TCF12: variants seen among roughly 807,000 people sequenced by gnomAD.
TCF12 encodes the protein DNA-binding protein HTF4.
A neutral mutation model predicts 86.0 loss-of-function variants in TCF12; 45 were observed. The observed-to-expected ratio is 0.52, with a 90% confidence interval of 0.41 to 0.67. The LOEUF is 0.67. TCF12 is among the 30% of genes least tolerant of loss of function. The probability of loss-of-function intolerance (pLI) is 0.00; values close to 1 mark genes in which losing one functional copy is unlikely to be tolerated. For synonymous variants in TCF12, 330 were observed against 299.6 expected, an observed-to-expected ratio of 1.10 and a Z score of -1.05; for missense variants, 881 against 859.9, an observed-to-expected ratio of 1.02 and a Z score of -0.31.
intron 3 of TCF12, among the ~76,000 whole-genome samples, chr15:56,960,570 C>CTG (rs1242038437): frequency 2.0e-5 from 3 of 151,750 alleles, no homozygotes; most frequent in Non-Finnish European, 4.4e-5. Context: ...GCTAGGAGTA[C>CTG]AGGCATCTGC....
intron 3 of TCF12, among the ~76,000 whole-genome samples, chr15:56,941,219 A>T (rs2140354217): frequency 6.6e-6 from 1 of 151,658 alleles, no homozygotes; most frequent in African/African-American, 2.4e-5. Flanking sequence ...TACAAAAATT[A>T]GCCAGGTGTG....
At chr15:56,936,855 C>T (rs1012943529) in intron 3 of TCF12, among the ~76,000 whole-genome samples, 20 of 152,076 alleles carry the variant, frequency 1.3e-4, no homozygotes, top group African/African-American at 4.3e-4. Flanking sequence ...ATACTAGTAC[C>T]ATGCTGTTAT....
chr15:57,246,623 C>G (rs1412569289), intron 13 of TCF12, among the ~76,000 whole-genome samples: 2 of 151,864 alleles, frequency 1.3e-5, no homozygotes, highest in Admixed American at 6.6e-5. Context: ...CCCAGTACCA[C>G]TACCACAGTT....
chr15:57,075,804 T>TTCTTTCTTTCTTTCTCTCTCTC (rs1461514777), intron 4 of TCF12, among the ~76,000 whole-genome samples: 27 of 28,592 alleles, frequency 9.4e-4, no homozygotes, highest in Non-Finnish European at 1.2e-3. Context: ...CTTTCTTTCT[T>TTCTTTCTTTCTTTCTCTCTCTC]TCTCTCTCTC....
chr15:57,194,998 G>A (rs2151727398), intron 7 of TCF12, among the ~76,000 whole-genome samples: 1 of 152,236 alleles, frequency 6.6e-6, no homozygotes, highest in East Asian at 1.9e-4. Context: ...TGCCTCCCGG[G>A]CTCAAGCGAG....
intron 8 of TCF12, among the ~76,000 whole-genome samples, chr15:57,198,435 T>A (rs1448131768): frequency 6.6e-6 from 1 of 152,164 alleles, no homozygotes; most frequent in Non-Finnish European, 1.5e-5. Flanking sequence ...CAAAAATGTA[T>A]CCTTTGAGAA....
intron 4 of TCF12, among the ~76,000 whole-genome samples, chr15:57,090,674 A>G (rs1332535497): frequency 6.6e-6 from 1 of 152,030 alleles, no homozygotes; most frequent in South Asian, 2.1e-4. Context: ...GGAATGATAA[A>G]TGTTCAGTGA....
intron 3 of TCF12, among the ~76,000 whole-genome samples, chr15:56,924,486 A>G (rs1227944167): frequency 3.9e-5 from 6 of 152,226 alleles, no homozygotes; most frequent in African/African-American, 1.4e-4. Flanking sequence ...TTTTTACTGA[A>G]CTGTGATAGA....
At chr15:57,205,542 ATC>A (rs1191876464) in intron 8 of TCF12, among the ~76,000 whole-genome samples, 3 of 152,208 alleles carry the variant, frequency 2.0e-5, no homozygotes. Flanking sequence ...TAGATGAGGT[ATC>A]TCTATTTGAA....
intron 14 of TCF12, 62 bp from the exon 15 acceptor site, chr15:57,252,359 C>T (rs1713709649): frequency 7.8e-7 from 1 of 1,286,350 alleles, no homozygotes. Context: ...GCTATTTCCT[C>T]ATCTCTTTTG....
chr15:57,196,914 C>T (rs956874708), intron 7 of TCF12, among the ~76,000 whole-genome samples: 1 of 152,052 alleles, frequency 6.6e-6, no homozygotes, highest in African/African-American at 2.4e-5. Context: ...CATATATTGA[C>T]ATTATAACCT....
chr15:57,054,602 T>G (rs2067860051), intron 3 of TCF12, among the ~76,000 whole-genome samples: 1 of 152,144 alleles, frequency 6.6e-6, no homozygotes, highest in Admixed American at 6.5e-5. Context: ...CTTCCCTGTC[T>G]TCTTTCCCAG....
chr15:56,939,283 A>G (rs188855555), intron 3 of TCF12, among the ~76,000 whole-genome samples: 2 of 152,314 alleles, frequency 1.3e-5, no homozygotes, highest in East Asian at 1.9e-4. Flanking sequence ...GGTGGAGGAC[A>G]GTACTAATTC....
chr15:57,101,373 T>C (rs1276406892), intron 5 of TCF12, among the ~76,000 whole-genome samples: 8 of 152,118 alleles, frequency 5.3e-5, no homozygotes, highest in African/African-American at 1.9e-4. Context: ...CCCAACTAAT[T>C]TTTAAAAAAT....
At chr15:57,163,659 T>C (rs1412885311) in intron 5 of TCF12, among the ~76,000 whole-genome samples, 2 of 152,248 alleles carry the variant, frequency 1.3e-5, no homozygotes, top group Non-Finnish European at 2.9e-5. Context: ...GCTGTAATTA[T>C]GTAACTGTGC....
intron 3 of TCF12, among the ~76,000 whole-genome samples, chr15:57,041,888 A>G (rs1320035247): frequency 6.6e-6 from 1 of 152,180 alleles, no homozygotes; most frequent in Non-Finnish European, 1.5e-5. Context: ...GTGGCTCTTC[A>G]TATTTATGAA....
chr15:57,237,023 C>T (rs149148281), intron 12 of TCF12, among the ~76,000 whole-genome samples: 1 of 151,984 alleles, frequency 6.6e-6, no homozygotes. Flanking sequence ...TATCAAAACA[C>T]TTGGTCTTTA....
intron 8 of TCF12, among the ~76,000 whole-genome samples, chr15:57,203,267 T>A (rs79065819): frequency 6.6e-6 from 1 of 152,212 alleles, no homozygotes; most frequent in South Asian, 2.1e-4. Flanking sequence ...ACTTTTTTTT[T>A]CCTTTTCTAA....
intron 3 of TCF12, among the ~76,000 whole-genome samples, chr15:57,036,476 T>C (rs1162643308): frequency 6.6e-6 from 1 of 152,168 alleles, no homozygotes; most frequent in East Asian, 1.9e-4. Context: ...AGCAGTAGCA[T>C]ATGAGGGTTC....
Sources: gnomAD v4.1 joint callset for allele counts (sites outside exome capture counted in the v4.1 genomes callset) on GRCh38, gnomAD v4.1.1 for gene constraint, MANE v1.5 for transcripts, NCBI Gene and HGNC (gene_info 2026-07-23, HGNC 2026-07-21) for gene names.